PDE4D: variants seen among roughly 807,000 people sequenced by gnomAD.
PDE4D encodes phosphodiesterase 4D, also known as 3',5'-cyclic-AMP phosphodiesterase 4D.
PDE4D carries 24 observed loss-of-function variants against 87.4 expected under a neutral mutation model. The ratio of observed to expected loss-of-function variants is 0.27; its 90% CI spans 0.20 to 0.39. PDE4D has a LOEUF of 0.39. Ranked by LOEUF, PDE4D falls within the 10% of genes least tolerant of loss-of-function variation. PDE4D has a pLI of 1.00. For missense variants in PDE4D, 714 were observed against 1,041.0 expected (o/e 0.69, Z 4.32); for synonymous variants, 384 against 383.2 (o/e 1.00, Z -0.02).
chr5:59,882,009 A>G (rs1749499108), intron 1 of PDE4D, among the ~76,000 whole-genome samples: 1 of 152,208 alleles, frequency 6.6e-6, no homozygotes, highest in Admixed American at 6.5e-5. Context: ...AGTTTGGCCT[A>G]TCCCATTGAA....
At chr5:60,470,555 A>G (rs1233559431) in intron 1 of PDE4D, among the ~76,000 whole-genome samples, 4 of 152,194 alleles carry the variant, frequency 2.6e-5, no homozygotes, top group Non-Finnish European at 4.4e-5. Flanking sequence ...CTAGTTTCAA[A>G]GCCTCAAAAG....
At position 59,108,906 on chromosome 5, in the gene PDE4D, C is replaced by CAAAAAAAAA. The variant is rs57209544; in HGVS notation, c.809-69944_809-69936dup. On this transcript the variant is annotated intron_variant, in intron 5 of 14. Coordinates refer to ENST00000340635, the MANE Select transcript of PDE4D (RefSeq NM_001104631.2). ...TGGGTGACAGAGTGAGATTCCTTCT[C>CAAAAAAAAA]AAAAAAAAAAAAGAAAGAAATTAAA... Among the ~76,000 whole-genome samples the CAAAAAAAAA allele has an allele frequency of 1.3e-3, 116 of 86,370 alleles. 8 individuals are homozygous for CAAAAAAAAA. Among genetic ancestry groups the CAAAAAAAAA allele is most frequent in the African/African-American group, 5.0e-3 (109 of 21,588 alleles). The allele number at this position is 86,370 out of a possible 152,430, so 56.7% of individuals were successfully genotyped here.
intron 1 of PDE4D, among the ~76,000 whole-genome samples, chr5:59,441,740 CCAT>C (rs1169572484): frequency 6.6e-6 from 1 of 152,194 alleles, no homozygotes; most frequent in Non-Finnish European, 1.5e-5. Flanking sequence ...TGGGCCTCTA[CCAT>C]CCAATTCTAA....
chr5:59,840,638 A>C (rs1742851350), intron 1 of PDE4D, among the ~76,000 whole-genome samples: 1 of 152,034 alleles, frequency 6.6e-6, no homozygotes, highest in East Asian at 1.9e-4. Context: ...AGTCATGATA[A>C]TTGTCCTAAA....
At chr5:59,993,304 A>G (rs1420156765) in intron 2 of PDE4D, among the ~76,000 whole-genome samples, 5 of 152,196 alleles carry the variant, frequency 3.3e-5, no homozygotes, top group Non-Finnish European at 7.4e-5. Context: ...ATAGTTTAAT[A>G]AAACTGTTTG....
chr5:59,890,465 GTTTCTAAAGT>G (rs1561823066), intron 1 of PDE4D, among the ~76,000 whole-genome samples: 2 of 152,136 alleles, frequency 1.3e-5, no homozygotes, highest in African/African-American at 2.4e-5. Context: ...ACTGCCCAGA[GTTTCTAAAGT>G]TAAAATCTCT....
intron 2 of PDE4D, among the ~76,000 whole-genome samples, chr5:60,076,069 G>C (rs947943676): frequency 3.3e-5 from 5 of 152,026 alleles, no homozygotes; most frequent in African/African-American, 9.7e-5. Flanking sequence ...TGATCATTTG[G>C]AGGAAAGAAG....
chr5:59,044,469 T>C (rs1760280775), intron 5 of PDE4D, among the ~76,000 whole-genome samples: 1 of 152,242 alleles, frequency 6.6e-6, no homozygotes, highest in African/African-American at 2.4e-5. Context: ...CTGTCTACAG[T>C]AGATAGAACT....
At chr5:59,265,283 A>T (rs2153537926) in intron 1 of PDE4D, among the ~76,000 whole-genome samples, 1 of 152,100 alleles carries the variant, frequency 6.6e-6, no homozygotes, top group East Asian at 1.9e-4. Context: ...AAATAACTAA[A>T]TCAGAGGTGG....
intron 1 of PDE4D, among the ~76,000 whole-genome samples, chr5:59,824,345 G>A (rs1032758213): frequency 1.8e-4 from 28 of 152,210 alleles, no homozygotes; most frequent in African/African-American, 6.0e-4. Context: ...GCTCCATCAC[G>A]ACACATGCTG....
At chr5:59,564,986 G>A (rs1370695424) in intron 1 of PDE4D, among the ~76,000 whole-genome samples, 2 of 152,182 alleles carry the variant, frequency 1.3e-5, no homozygotes, top group African/African-American at 2.4e-5. Context: ...CTAGTCAGAA[G>A]GAACACCATG....
rs75255259 is a variant in PDE4D, at chr5:59,683,822, A to G, written c.455+209346T>C. Among the ~76,000 whole-genome samples the G allele has an allele frequency of 3.5e-3, 536 of 152,304 alleles. 3 individuals carry two copies. Among genetic ancestry groups the G allele is most frequent in the African/African-American group, 0.012 (514 of 41,560 alleles). ...CATCTTTTTTGTTTGGTAGAATCATACCATTTTAGTATGCCATAACAGAAT... is the reference window on the plus strand; with the variant it reads ...CATCTTTTTTGTTTGGTAGAATCATGCCATTTTAGTATGCCATAACAGAAT... On this transcript the variant is annotated intron_variant, in intron 1 of 14. Transcript: ENST00000340635.
intron 5 of PDE4D, among the ~76,000 whole-genome samples, chr5:59,084,051 C>T (rs1193998810): frequency 1.3e-5 from 2 of 151,668 alleles, no homozygotes; most frequent in Non-Finnish European, 2.9e-5. Flanking sequence ...TGAGAATAAC[C>T]CAGGAAATTC....
At chr5:59,641,220 T>G (rs923582977) in intron 1 of PDE4D, among the ~76,000 whole-genome samples, 1 of 152,210 alleles carries the variant, frequency 6.6e-6, no homozygotes, top group Non-Finnish European at 1.5e-5. Flanking sequence ...TGAAAGCTAT[T>G]TAATGTATGT....
At chr5:59,800,067 A>G (rs182164401) in intron 1 of PDE4D, among the ~76,000 whole-genome samples, 30 of 152,300 alleles carry the variant, frequency 2.0e-4, no homozygotes, top group African/African-American at 4.1e-4. Flanking sequence ...AATAAGTAGT[A>G]TGTGGAAGAA....
chr5:60,015,872 G>A (rs2152848301), intron 2 of PDE4D, among the ~76,000 whole-genome samples: 1 of 151,450 alleles, frequency 6.6e-6, no homozygotes, highest in East Asian at 1.9e-4. Context: ...CAACTTCCAT[G>A]ACCAAATGAA....
intron 1 of PDE4D, among the ~76,000 whole-genome samples, chr5:60,269,131 C>T (rs1024910842): frequency 6.6e-5 from 10 of 152,056 alleles, no homozygotes; most frequent in Non-Finnish European, 1.5e-4. Flanking sequence ...TGGTGAAACC[C>T]ATCTCTACTA....
chr5:59,803,038 TACG>T (rs1263435629), intron 1 of PDE4D, among the ~76,000 whole-genome samples: 1 of 151,970 alleles, frequency 6.6e-6, no homozygotes, highest in African/African-American at 2.4e-5. Flanking sequence ...GGATGGTAAA[TACG>T]ACAACAAGAG....
At chr5:60,193,697 GAA>G (rs1740837790) in intron 1 of PDE4D, among the ~76,000 whole-genome samples, 2 of 131,362 alleles carry the variant, frequency 1.5e-5, no homozygotes, top group African/African-American at 5.6e-5. Flanking sequence ...AAAAAAGAAA[GAA>G]AAAGAAAAAA....
Sources: gnomAD v4.1 joint callset for allele counts (sites outside exome capture counted in the v4.1 genomes callset) on GRCh38, gnomAD v4.1.1 for gene constraint, MANE v1.5 for transcripts, NCBI Gene and HGNC (gene_info 2026-07-23, HGNC 2026-07-21) for gene names.